CTNNA2: variants seen among roughly 807,000 people sequenced by gnomAD.
The protein encoded by CTNNA2 is catenin alpha-2.
CTNNA2 carries 42 observed loss-of-function variants against 101.0 expected under a neutral mutation model. The observed-to-expected ratio is 0.42, with a 90% CI of 0.32 to 0.54. The LOEUF is 0.54. Among genes scored for constraint, CTNNA2 ranks in the 20% least tolerant of loss-of-function variants. The pLI is 0.14. For synonymous variants in CTNNA2, 450 were observed against 456.4 expected, an observed-to-expected ratio of 0.99 and a Z score of 0.18; for missense variants, 871 against 1,223.1, an observed-to-expected ratio of 0.71 and a Z score of 4.29.
chr2:80,300,284 GTGTGTGTGTGTGTGT>G (rs1676154046), intron 7 of CTNNA2, among the ~76,000 whole-genome samples: 2 of 12,088 alleles, frequency 1.7e-4, no homozygotes, highest in Non-Finnish European at 2.8e-4. Flanking sequence ...GTGTTGGGGT[GTGTGTGTGTGTGTGT>G]GTGTGTGTGT....
Position 79,267,766 on chromosome 2 carries a change from T to G in CTNNA2, c.-405-44943T>G, listed in dbSNP as rs1039877326. Among the ~76,000 whole-genome samples the G allele has an allele frequency of 5.3e-5, 8 of 152,148 alleles. 1 individual carries two copies. The East Asian group carries it at 9.7e-4, about 18-fold the overall frequency. On this transcript the variant is annotated intron_variant, in intron 2 of 21. Coordinates refer to the CTNNA2 transcript ENST00000466387. ...GAATGTAAAGCTAAATAAAAGAGAG[T>G]TTACTAATATGGGGAATTGTCTTGT...
At chr2:79,347,636 C>T (rs1677290836) in intron 3 of CTNNA2, among the ~76,000 whole-genome samples, 1 of 152,022 alleles carries the variant, frequency 6.6e-6, no homozygotes, top group Non-Finnish European at 1.5e-5. Flanking sequence ...CCTTTGTACA[C>T]CAACCATTAC....
intron 7 of CTNNA2, among the ~76,000 whole-genome samples, chr2:80,362,248 T>C (rs901559933): frequency 6.6e-6 from 1 of 152,118 alleles, no homozygotes; most frequent in African/African-American, 2.4e-5. Context: ...CACTCCTCCA[T>C]TATAAGGCTG....
intron 1 of CTNNA2, among the ~76,000 whole-genome samples, chr2:79,544,283 A>G (rs1673597147): frequency 6.6e-6 from 1 of 152,222 alleles, no homozygotes; most frequent in African/African-American, 2.4e-5. Context: ...GCAATAAATC[A>G]GTTGAGTTGT....
At chr2:79,739,064 C>A (rs186161772) in intron 2 of CTNNA2, among the ~76,000 whole-genome samples, 17 of 150,124 alleles carry the variant, frequency 1.1e-4, no homozygotes, top group Admixed American at 1.1e-3. Context: ...GTTGCAGGGA[C>A]TTTGCTGTTT....
chr2:80,215,775 A>C (rs1036071696), intron 7 of CTNNA2, among the ~76,000 whole-genome samples: 1 of 151,836 alleles, frequency 6.6e-6, no homozygotes, highest in Non-Finnish European at 1.5e-5. Flanking sequence ...GAGAACCACT[A>C]CTCTCTTCAA....
intron 2 of CTNNA2, among the ~76,000 whole-genome samples, chr2:79,706,166 C>A (rs1319097238): frequency 2.6e-5 from 4 of 151,898 alleles, no homozygotes; most frequent in Admixed American, 1.3e-4. Context: ...AGATCGAGAC[C>A]ATCCTGGCTA....
At chr2:79,829,521 G>T (rs1264019082) in intron 3 of CTNNA2, among the ~76,000 whole-genome samples, 1 of 150,990 alleles carries the variant, frequency 6.6e-6, no homozygotes, top group African/African-American at 2.4e-5. Flanking sequence ...AGTGAGCTGA[G>T]ATCGCGCCAT....
rs140579895 is a variant in CTNNA2 at position 79,574,478 on chromosome 2, C to T, written c.-6+61271C>T. Among the ~76,000 whole-genome samples the T allele has an allele frequency of 7.5e-4, 114 of 152,248 alleles. 1 individual carries two copies. The East Asian group carries it at 0.018, about 24-fold the overall frequency. ...GTGAGAACATGTGGTATTTGGTTTT[C>T]TGTTCCTGTGTTTGCTCGCTTAGGG... is the stretch of plus-strand genomic sequence containing the variant. On this transcript the variant is annotated intron_variant, in intron 1 of 18. Transcript: ENST00000402739.
intron 9 of CTNNA2, among the ~76,000 whole-genome samples, chr2:80,493,704 C>G (rs1463517242): frequency 6.6e-6 from 1 of 152,174 alleles, no homozygotes; most frequent in Non-Finnish European, 1.5e-5. Context: ...GCATATCTGT[C>G]CTCTCCACTA....
At chr2:79,389,084 A>T (rs182222177) in intron 4 of CTNNA2, among the ~76,000 whole-genome samples, 1 of 152,216 alleles carries the variant, frequency 6.6e-6, no homozygotes. Flanking sequence ...CAGATATGTC[A>T]TTAACACCAT....
intron 3 of CTNNA2, among the ~76,000 whole-genome samples, chr2:79,340,833 C>CAA (rs56276462): frequency 0.14 from 4,406 of 32,422 alleles, 595 homozygotes; most frequent in East Asian, 0.4. Flanking sequence ...GACTCAGTCT[C>CAA]AAAAAAAAAA....
At chr2:80,365,036 G>A (rs1372571276) in intron 7 of CTNNA2, among the ~76,000 whole-genome samples, 2 of 152,120 alleles carry the variant, frequency 1.3e-5, no homozygotes, top group Non-Finnish European at 2.9e-5. Flanking sequence ...TGGCCTTCAT[G>A]TAACATCACT....
intron 4 of CTNNA2, among the ~76,000 whole-genome samples, chr2:79,407,313 A>G (rs903785444): frequency 6.6e-5 from 10 of 152,098 alleles, no homozygotes; most frequent in African/African-American, 2.4e-4. Context: ...CAGGAATTGT[A>G]AGTAACATAC....
chr2:80,347,482 C>A (rs1672845523), intron 7 of CTNNA2, among the ~76,000 whole-genome samples: 1 of 152,180 alleles, frequency 6.6e-6, no homozygotes, highest in Admixed American at 6.5e-5. Flanking sequence ...GAGGAGCAGT[C>A]ACATGAACGA....
At chr2:79,210,834 C>T (rs1341664398) in intron 2 of CTNNA2, among the ~76,000 whole-genome samples, 1 of 152,096 alleles carries the variant, frequency 6.6e-6, no homozygotes, top group Non-Finnish European at 1.5e-5. Flanking sequence ...CCCCAATCCC[C>T]GTATTCCCAA....
intron 3 of CTNNA2, among the ~76,000 whole-genome samples, chr2:79,785,553 T>C (rs796530759): frequency 6.6e-6 from 1 of 150,648 alleles, no homozygotes; most frequent in South Asian, 2.1e-4. Context: ...CTTTGCTTTT[T>C]TTCCCCACAG....
chr2:80,641,993 T>A (rs1255586886), intron 18 of CTNNA2, among the ~76,000 whole-genome samples: 3 of 152,116 alleles, frequency 2.0e-5, no homozygotes, highest in African/African-American at 7.2e-5. Flanking sequence ...AAAACATGAT[T>A]TTTTTAATAT....
chr2:79,613,738 T>TC (rs1678442794), intron 1 of CTNNA2, among the ~76,000 whole-genome samples: 1 of 152,176 alleles, frequency 6.6e-6, no homozygotes, highest in African/African-American at 2.4e-5. Context: ...CCAGAAAGTC[T>TC]CCAACTCCTG....
Sources: gnomAD v4.1 joint callset for allele counts (sites outside exome capture counted in the v4.1 genomes callset) on GRCh38, gnomAD v4.1.1 for gene constraint, MANE v1.5 for transcripts, NCBI Gene and HGNC (gene_info 2026-07-23, HGNC 2026-07-21) for gene names.